NCKAP5: variants seen among roughly 807,000 people sequenced by gnomAD.
NCKAP5 encodes the protein NCK associated protein 5, also known as nck-associated protein 5.
A neutral mutation model predicts 167.0 loss-of-function variants in NCKAP5; 92 were observed. The observed-to-expected ratio is 0.55, with a 90% CI of 0.47 to 0.66. The LOEUF (loss-of-function observed/expected upper bound fraction) is 0.66. Ranked by LOEUF, NCKAP5 falls within the 30% of genes least tolerant of loss-of-function variation. The pLI is 0.00. For missense variants in NCKAP5, 2,378 were observed against 2,315.0 expected, an observed-to-expected ratio of 1.03 and a Z score of -0.56; for synonymous variants, 891 against 877.4, an observed-to-expected ratio of 1.02 and a Z score of -0.27.
chr2:133,273,877 A>C (rs2150425268), intron 4 of NCKAP5, among the ~76,000 whole-genome samples: 1 of 150,976 alleles, frequency 6.6e-6, no homozygotes, highest in Admixed American at 6.6e-5. Context: ...AATAACATTC[A>C]ACACTTATTC....
At chr2:132,755,887 T>C (rs1269579953) in intron 16 of NCKAP5, among the ~76,000 whole-genome samples, 3 of 149,670 alleles carry the variant, frequency 2.0e-5, no homozygotes, top group African/African-American at 7.4e-5. Flanking sequence ...ATAATAACTA[T>C]AATAATAATG....
the NCKAP5 span, among the ~76,000 whole-genome samples, chr2:133,654,401 T>TA: frequency 6.6e-6 from 1 of 151,206 alleles, no homozygotes; most frequent in Non-Finnish European, 1.5e-5. Flanking sequence ...AATAAATAAA[T>TA]AAATAAATAA....
intron 4 of NCKAP5, among the ~76,000 whole-genome samples, chr2:133,258,383 A>G (rs2088727063): frequency 6.6e-6 from 1 of 152,212 alleles, no homozygotes; most frequent in Non-Finnish European, 1.5e-5. Flanking sequence ...AAAATTGTCA[A>G]TGGCTTCCAA....
At chr2:132,834,973 G>A (rs1687786014) in intron 11 of NCKAP5, among the ~76,000 whole-genome samples, 1 of 152,072 alleles carries the variant, frequency 6.6e-6, no homozygotes, top group African/African-American at 2.4e-5. Context: ...CCTTTATTAT[G>A]TTGAGGTATG....
intron 19 of NCKAP5, among the ~76,000 whole-genome samples, chr2:132,700,279 G>T (rs968015166): frequency 6.7e-6 from 1 of 149,846 alleles, no homozygotes; most frequent in African/African-American, 2.5e-5. Context: ...TAGGTTGCCT[G>T]TTCACTCTGA....
At chr2:133,248,418 G>A (rs912346457) in intron 4 of NCKAP5, among the ~76,000 whole-genome samples, 6 of 152,206 alleles carry the variant, frequency 3.9e-5, no homozygotes. Context: ...GAGATCCTGG[G>A]CATGTGCCCT....
chr2:133,180,558 T>C (rs1346702267), intron 5 of NCKAP5, among the ~76,000 whole-genome samples: 1 of 152,080 alleles, frequency 6.6e-6, no homozygotes, highest in African/African-American at 2.4e-5. Flanking sequence ...AGGCTGGTCT[T>C]GAACTCCTGA....
At chr2:133,311,787 C>T (rs566481896) in intron 3 of NCKAP5, among the ~76,000 whole-genome samples, 80 of 152,254 alleles carry the variant, frequency 5.3e-4, no homozygotes, top group Admixed American at 9.2e-4. Flanking sequence ...AAAAGGTTAT[C>T]CTAGTACCCT....
At chr2:133,362,409 C>A (rs753434266) in intron 3 of NCKAP5, among the ~76,000 whole-genome samples, 1 of 152,144 alleles carries the variant, frequency 6.6e-6, no homozygotes, top group Non-Finnish European at 1.5e-5. Flanking sequence ...TCTGGGGAAT[C>A]ATGATGAGTC....
At chr2:133,075,664 G>C (rs572576223) in intron 6 of NCKAP5, among the ~76,000 whole-genome samples, 115 of 152,184 alleles carry the variant, frequency 7.6e-4, no homozygotes, top group African/African-American at 2.6e-3. Flanking sequence ...TGAAAAATTA[G>C]GCATTAATGT....
At chr2:133,299,880 C>T (rs983573803) in intron 4 of NCKAP5, among the ~76,000 whole-genome samples, 20 of 150,028 alleles carry the variant, frequency 1.3e-4, no homozygotes, top group Non-Finnish European at 2.2e-4. Context: ...TTTCATAGAC[C>T]GCTAGCAAGA....
chr2:132,739,726 T>TTAC (rs757633959), intron 16 of NCKAP5, among the ~76,000 whole-genome samples: 28 of 152,076 alleles, frequency 1.8e-4, no homozygotes, highest in Non-Finnish European at 3.8e-4. Context: ...TCCCAAGGAG[T>TTAC]TACCTTTTGG....
intron 6 of NCKAP5, among the ~76,000 whole-genome samples, chr2:133,078,446 G>C (rs2080686826): frequency 6.6e-6 from 1 of 152,082 alleles, no homozygotes; most frequent in Non-Finnish European, 1.5e-5. Context: ...GGAACCTGTA[G>C]CTTTACAGTT....
At chr2:133,612,162 AG>A in the NCKAP5 span, among the ~76,000 whole-genome samples, 1 of 152,216 alleles carries the variant, frequency 6.6e-6, no homozygotes, top group Non-Finnish European at 1.5e-5. Context: ...TGGAATGCAT[AG>A]GAAAGATAAG....
At chr2:133,491,092 A>G (rs894327640) in intron 3 of NCKAP5, among the ~76,000 whole-genome samples, 1 of 152,216 alleles carries the variant, frequency 6.6e-6, no homozygotes, top group Non-Finnish European at 1.5e-5. Context: ...ACATTCATCT[A>G]TGAGTTCATA....
intron 5 of NCKAP5, among the ~76,000 whole-genome samples, chr2:133,154,883 T>C (rs1000524150): frequency 6.6e-6 from 1 of 152,232 alleles, no homozygotes; most frequent in Non-Finnish European, 1.5e-5. Context: ...CAAAATATAA[T>C]GCGATCTTAG....
At position 133,555,946 on chromosome 2, in the gene NCKAP5, A is replaced by T. The variant is rs1049846424; in HGVS notation, c.-62+3104T>A. 3.3e-5 allele frequency among the ~76,000 whole-genome samples: 5 copies of T among 152,238 alleles called. No individual in the cohort carries two copies. In the East Asian group the frequency reaches 7.7e-4, roughly 23 times the overall value. ...AATGGAATATTATACAACAATGTGC[A>T]TAAAGTTATAATTAAACACAGCAAT... On this transcript the variant is annotated intron_variant, in intron 2 of 19. Coordinates refer to ENST00000409261, the MANE Select transcript of NCKAP5 (RefSeq NM_207363.3).
chr2:132,768,717 A>G (rs1396999915), intron 16 of NCKAP5, among the ~76,000 whole-genome samples: 1 of 137,218 alleles, frequency 7.3e-6, no homozygotes, highest in Non-Finnish European at 1.5e-5. Flanking sequence ...TCGGCTCACC[A>G]CAAGCTCCGC....
chr2:133,483,284 C>A (rs989825704), intron 3 of NCKAP5, among the ~76,000 whole-genome samples: 4 of 152,102 alleles, frequency 2.6e-5, no homozygotes, highest in African/African-American at 7.2e-5. Context: ...TCTGTTGTAT[C>A]TTTTACTGTC....
Sources: gnomAD v4.1 joint callset for allele counts (sites outside exome capture counted in the v4.1 genomes callset) on GRCh38, gnomAD v4.1.1 for gene constraint, MANE v1.5 for transcripts, NCBI Gene and HGNC (gene_info 2026-07-23, HGNC 2026-07-21) for gene names.